Variants in NLGN1 observed in about 807,000 individuals in gnomAD.
NLGN1 encodes the protein neuroligin 1, also known as neuroligin-1.
In NLGN1, 12 loss-of-function variants were observed where a neutral mutation model predicts 65.5. The observed-to-expected ratio is 0.18, with a 90% confidence interval of 0.12 to 0.30. The LOEUF (loss-of-function observed/expected upper bound fraction) is 0.30, where lower values mean the gene tolerates loss of function less well. Ranked by LOEUF, NLGN1 falls within the 10% of genes least tolerant of loss-of-function variation. NLGN1 has a pLI of 1.00. For missense variants in NLGN1, 750 were observed against 1,007.1 expected, an observed-to-expected ratio of 0.74 and a Z score of 3.46; for synonymous variants, 350 against 359.5, an observed-to-expected ratio of 0.97 and a Z score of 0.30.
At chr3:174,284,398 GTATT>G (rs1459119671) in exon 7 of NLGN1, 3 of 151,406 alleles carry the variant, frequency 2.0e-5, no homozygotes, top group East Asian at 1.9e-4. Context: ...TGTTTAAAAT[GTATT>G]TATTTAGATA....
In NLGN1 at chr3:174,072,104, G is replaced by A. The variant is rs536473146; in HGVS notation, c.647-203211G>A. Among the ~76,000 whole-genome samples, 6 of 152,298 alleles carry A rather than the reference G, an allele frequency of 3.9e-5. No homozygotes were observed. The East Asian group carries it at 9.6e-4, about 24-fold the overall frequency. ...TTATGTTACCTGGTTGCAGAAAAGG[G>A]AAAATAAAGGGGAGAATCTTTGAAA... is the stretch of plus-strand genomic sequence containing the variant. On this transcript the variant is annotated intron_variant, in intron 4 of 6. Coordinates refer to ENST00000457714, the Ensembl canonical transcript of NLGN1.
upstream of NLGN1, among the ~76,000 whole-genome samples, chr3:173,397,214 C>T (rs936598896): frequency 6.6e-6 from 1 of 152,080 alleles, no homozygotes; most frequent in Non-Finnish European, 1.5e-5. Context: ...GGAGATTCGC[C>T]TTCCGTTTCT....
At chr3:173,954,824 C>T (rs1287867120) in intron 4 of NLGN1, among the ~76,000 whole-genome samples, 4 of 152,048 alleles carry the variant, frequency 2.6e-5, no homozygotes, top group Non-Finnish European at 5.9e-5. Flanking sequence ...TATATATGCA[C>T]ACATACAGGA....
intron 4 of NLGN1, among the ~76,000 whole-genome samples, chr3:173,829,626 A>G (rs1475482102): frequency 1.3e-5 from 2 of 151,990 alleles, no homozygotes; most frequent in African/African-American, 4.8e-5. Context: ...ATCAAATTTC[A>G]AGTAAACAAT....
At chr3:173,404,199 T>C (rs1718203911) in intron 1 of NLGN1, among the ~76,000 whole-genome samples, 1 of 152,148 alleles carries the variant, frequency 6.6e-6, no homozygotes, top group Admixed American at 6.5e-5. Flanking sequence ...AATAACCTCA[T>C]TGCAATAACT....
chr3:174,221,120 C>T (rs1738560612), intron 4 of NLGN1, among the ~76,000 whole-genome samples: 1 of 152,142 alleles, frequency 6.6e-6, no homozygotes, highest in African/African-American at 2.4e-5. Context: ...CTTTATTACT[C>T]CATTTTTCTG....
At chr3:173,734,315 A>C (rs1302462051) in intron 3 of NLGN1, among the ~76,000 whole-genome samples, 2 of 148,752 alleles carry the variant, frequency 1.3e-5, no homozygotes, top group Non-Finnish European at 1.5e-5. Flanking sequence ...TCCTAAAGTG[A>C]CATGCATGTT....
chr3:173,629,871 A>G (rs1012073865), intron 3 of NLGN1, among the ~76,000 whole-genome samples: 2 of 152,214 alleles, frequency 1.3e-5, no homozygotes, highest in Non-Finnish European at 2.9e-5. Context: ...ATTTTCATTG[A>G]ATATGCTTCT....
At chr3:174,010,467 T>G (rs112345730) in intron 4 of NLGN1, among the ~76,000 whole-genome samples, 5,248 of 152,248 alleles carry the variant, frequency 0.034, 217 homozygotes, top group African/African-American at 0.095. Context: ...GGCATAAAAC[T>G]CTTTCCAGTT....
intron 2 of NLGN1, among the ~76,000 whole-genome samples, chr3:173,523,768 A>G (rs1735165055): frequency 6.6e-6 from 1 of 151,430 alleles, no homozygotes; most frequent in South Asian, 2.1e-4. Flanking sequence ...GAAATTTTTG[A>G]TTGCTTTTTA....
At position 173,829,767 on chromosome 3, in the gene NLGN1, A is replaced by G. The variant is rs538457378; in HGVS notation, c.646+21935A>G. On this transcript the variant is annotated intron_variant, in intron 4 of 6. Coordinates refer to ENST00000457714, the Ensembl canonical transcript of NLGN1. ...AGAATTTACCTGATTTGTTCTCTCA[A>G]ATTCCTTTCATTCACATTTTTGCTG... Among the ~76,000 whole-genome samples the G allele has an allele frequency of 1.1e-4, 16 of 152,208 alleles. No homozygotes were observed. The East Asian group carries it at 2.9e-3, about 28-fold the overall frequency.
chr3:174,042,600 G>A (rs1336025334), intron 4 of NLGN1, among the ~76,000 whole-genome samples: 1 of 152,114 alleles, frequency 6.6e-6, no homozygotes, highest in South Asian at 2.1e-4. Context: ...GTTCTTTCCC[G>A]ATTTTTACCT....
At chr3:174,269,538 A>G (rs897406723) in intron 4 of NLGN1, among the ~76,000 whole-genome samples, 1 of 151,970 alleles carries the variant, frequency 6.6e-6, no homozygotes, top group Non-Finnish European at 1.5e-5. Context: ...AAGCTACACA[A>G]TATTCCATCA....
intron 2 of NLGN1, among the ~76,000 whole-genome samples, chr3:173,599,696 A>C (rs1365644414): frequency 6.6e-6 from 1 of 152,172 alleles, no homozygotes; most frequent in Non-Finnish European, 1.5e-5. Flanking sequence ...CCACAGACCT[A>C]TAAGTGCAAA....
intron 4 of NLGN1, among the ~76,000 whole-genome samples, chr3:173,948,747 G>A (rs1747664288): frequency 6.6e-6 from 1 of 152,104 alleles, no homozygotes; most frequent in African/African-American, 2.4e-5. Flanking sequence ...CAGTACCTGT[G>A]CTTATGACTG....
rs138157236 is a variant in NLGN1 at position 173,976,410 on chromosome 3, G to A, written c.646+168578G>A. Among the ~76,000 whole-genome samples, 130 of 152,088 alleles carry A rather than the reference G, an allele frequency of 8.5e-4. 1 individual carries two copies. In the East Asian group the frequency reaches 0.023, roughly 27 times the overall value. On this transcript the variant is annotated intron_variant, in intron 4 of 6. Transcript: ENST00000457714. The stretch of plus-strand genomic sequence containing the variant: ...TAATTGCGTGTAAAACTCATTGGGA[G>A]TAACAGGATCAGAATTTTGGAGCTA...
chr3:173,744,183 A>G (rs942446840), intron 3 of NLGN1, among the ~76,000 whole-genome samples: 1 of 152,164 alleles, frequency 6.6e-6, no homozygotes, highest in Non-Finnish European at 1.5e-5. Flanking sequence ...TCTGAAATTC[A>G]ATAGAATGGG....
intron 4 of NLGN1, among the ~76,000 whole-genome samples, chr3:174,250,434 G>T (rs963136708): frequency 1.3e-5 from 2 of 152,190 alleles, no homozygotes; most frequent in Non-Finnish European, 2.9e-5. Flanking sequence ...AGTTAAGGGG[G>T]TTTATTTGTT....
At chr3:174,189,528 T>C (rs962395119) in intron 4 of NLGN1, among the ~76,000 whole-genome samples, 9 of 152,028 alleles carry the variant, frequency 5.9e-5, no homozygotes, top group Non-Finnish European at 1.0e-4. Flanking sequence ...TCTTAAGTTA[T>C]ATAATGTGAA....
Sources: allele counts gnomAD v4.1 joint callset (sites outside exome capture counted in the v4.1 genomes callset), GRCh38; gene constraint gnomAD v4.1.1; transcripts MANE v1.5; gene names NCBI Gene and HGNC (gene_info 2026-07-23, HGNC 2026-07-21).